HECW1: variants seen among roughly 807,000 people sequenced by gnomAD.
HECW1 encodes the protein E3 ubiquitin-protein ligase HECW1.
HECW1 carries 61 observed loss-of-function variants against 182.3 expected under a neutral mutation model. That is an observed-to-expected ratio of 0.33 (90% CI 0.27 to 0.41). The LOEUF is 0.41. HECW1 is among the 10% of genes least tolerant of loss of function. HECW1 has a pLI of 1.00. For missense variants in HECW1, 1,739 were observed against 2,108.9 expected, an observed-to-expected ratio of 0.82 and a Z score of 3.44; for synonymous variants, 859 against 832.6, an observed-to-expected ratio of 1.03 and a Z score of -0.55.
Position 43,393,677 on chromosome 7 carries a change from C to CTT in HECW1, c.556-3126_556-3125dup, listed in dbSNP as rs199626474. Among the ~76,000 whole-genome samples the CTT allele has an allele frequency of 1.6e-3, 228 of 139,248 alleles. 2 individuals are homozygous for CTT. Among genetic ancestry groups the CTT allele is most frequent in the African/African-American group, 6.1e-3 (214 of 35,306 alleles). The allele number at this position is 139,248 out of a possible 152,430, so 91.4% of individuals were successfully genotyped here. A position where few individuals can be genotyped will look rare whatever the true frequency, so the allele number is the denominator to read the frequency against. On this transcript the variant is annotated intron_variant, in intron 6 of 29. Transcript: ENST00000395891. ...GGAAAACATACTCTTTTTTCTTCTT[C>CTT]TTTTTTTTTTTTCATCTACAGACCT...
chr7:43,317,714 T>C (rs1262530467), intron 4 of HECW1, among the ~76,000 whole-genome samples: 1 of 152,166 alleles, frequency 6.6e-6, no homozygotes, highest in Non-Finnish European at 1.5e-5. Context: ...TTATTGTTAG[T>C]GTGAGGGAAG....
chr7:43,532,447 A>G (rs1236324462), intron 24 of HECW1, among the ~76,000 whole-genome samples: 3 of 152,168 alleles, frequency 2.0e-5, no homozygotes, highest in African/African-American at 7.2e-5. Context: ...ATGGATTCCC[A>G]TCATACTTAG....
intron 2 of HECW1, among the ~76,000 whole-genome samples, chr7:43,232,041 AAG>A (rs1218163982): frequency 4.6e-5 from 7 of 151,130 alleles, no homozygotes; most frequent in Admixed American, 2.6e-4. Flanking sequence ...AAAAAAAAAA[AAG>A]GAACCTCTTG....
At chr7:43,305,748 G>A (rs922693623) in intron 3 of HECW1, among the ~76,000 whole-genome samples, 15 of 151,594 alleles carry the variant, frequency 9.9e-5, no homozygotes, top group East Asian at 5.8e-4. Flanking sequence ...ACAGGCGCCC[G>A]TCACCACGCC....
rs374141328 is a variant in HECW1 at position 43,169,690 on chromosome 7, C to CT, written c.-32+55317dup. On this transcript the variant is annotated intron_variant, in intron 2 of 29. Transcript: ENST00000395891. ...TTATCTTTGTATCTTTTTTTCTTTTCTTTTTTTTTTTTTTTTTTGAGACGG... is the reference window on the plus strand; with the variant it reads ...TTATCTTTGTATCTTTTTTTCTTTTCTTTTTTTTTTTTTTTTTTTGAGACGG... Among the ~76,000 whole-genome samples, 599 of 113,442 alleles carry CT rather than the reference C, an allele frequency of 5.3e-3. 7 individuals carry two copies. The highest frequency in any genetic ancestry group is 0.026 in the East Asian group (114 of 4,338). 74.4% of individuals were successfully genotyped at this position (113,442 alleles called of 152,430 possible). A position where few individuals can be genotyped will look rare whatever the true frequency, so the allele number is the denominator to read the frequency against.
At chr7:43,326,857 A>C (rs1810858792) in intron 5 of HECW1, among the ~76,000 whole-genome samples, 1 of 152,222 alleles carries the variant, frequency 6.6e-6, no homozygotes, top group Non-Finnish European at 1.5e-5. Context: ...ATTCAGAGCA[A>C]TGTTTCCCTG....
At chr7:43,292,476 ATAC>A (rs1282609955) in intron 3 of HECW1, among the ~76,000 whole-genome samples, 1 of 152,212 alleles carries the variant, frequency 6.6e-6, no homozygotes, top group Non-Finnish European at 1.5e-5. Flanking sequence ...AGCCCAACTA[ATAC>A]CCAGGGTCAC....
chr7:43,524,503 T>C (rs539916166), intron 24 of HECW1, among the ~76,000 whole-genome samples: 1 of 152,364 alleles, frequency 6.6e-6, no homozygotes, highest in Admixed American at 6.5e-5. Context: ...AAGAGGGGTA[T>C]CTTTGAGATG....
chr7:43,304,489 T>G (rs1807290846), intron 3 of HECW1, among the ~76,000 whole-genome samples: 1 of 151,350 alleles, frequency 6.6e-6, no homozygotes, highest in East Asian at 1.9e-4. Flanking sequence ...TTTATTTATT[T>G]ATTTATTTAT....
At chr7:43,197,826 AT>A (rs1562661631) in intron 2 of HECW1, among the ~76,000 whole-genome samples, 1 of 152,000 alleles carries the variant, frequency 6.6e-6, no homozygotes, top group Non-Finnish European at 1.5e-5. Flanking sequence ...ATTATTAAGG[AT>A]TTCAAGATGG....
At chr7:43,398,165 G>A (rs2075292118) in intron 7 of HECW1, among the ~76,000 whole-genome samples, 1 of 152,146 alleles carries the variant, frequency 6.6e-6, no homozygotes, top group African/African-American at 2.4e-5. Flanking sequence ...GCTGAGGCAG[G>A]AGAATGGCTT....
intron 23 of HECW1, 193 bp from the exon 24 acceptor site, chr7:43,508,776 C>A (rs1475341881): frequency 4.8e-6 from 3 of 620,242 alleles, no homozygotes; most frequent in Admixed American, 2.8e-5. Flanking sequence ...AGAAACATCT[C>A]CAAACCAATT....
At chr7:43,238,898 C>T (rs761768430) in intron 2 of HECW1, among the ~76,000 whole-genome samples, 5 of 152,042 alleles carry the variant, frequency 3.3e-5, no homozygotes, top group Non-Finnish European at 5.9e-5. Flanking sequence ...GGTATTGGAT[C>T]ATAAAGAGAC....
At chr7:43,440,415 A>G (rs951490742) in intron 9 of HECW1, 6 of 152,206 alleles carry the variant, frequency 3.9e-5, no homozygotes, top group African/African-American at 1.4e-4. Flanking sequence ...AACTCTAACC[A>G]TCTCACCTTC....
chr7:43,522,533 A>C (rs939862516), intron 24 of HECW1: 2 of 152,456 alleles, frequency 1.3e-5, no homozygotes, highest in African/African-American at 4.8e-5. Flanking sequence ...TGGGCTCTTC[A>C]TGAAGGCTGG....
intron 2 of HECW1, among the ~76,000 whole-genome samples, chr7:43,198,786 ACT>A (rs1259561856): frequency 1.3e-5 from 2 of 151,628 alleles, no homozygotes; most frequent in East Asian, 3.9e-4. Flanking sequence ...CACACTCCAC[ACT>A]CACGTGCACA....
intron 4 of HECW1, among the ~76,000 whole-genome samples, chr7:43,319,153 C>T (rs569998844): frequency 6.6e-6 from 1 of 151,648 alleles, no homozygotes; most frequent in Admixed American, 6.6e-5. Context: ...TTTGGGAGGC[C>T]GAGGCGGGTG....
chr7:43,448,509 G>T (rs1008579174), intron 11 of HECW1, among the ~76,000 whole-genome samples: 14 of 152,098 alleles, frequency 9.2e-5, no homozygotes, highest in African/African-American at 7.2e-5. Context: ...TGCAAAATGG[G>T]TATAATTACA....
chr7:43,350,684 C>T (rs1198480701), intron 5 of HECW1, among the ~76,000 whole-genome samples: 1 of 152,206 alleles, frequency 6.6e-6, no homozygotes. Flanking sequence ...TTTCACATTT[C>T]TAAAAGTGTG....
Sources: allele counts gnomAD v4.1 joint callset (sites outside exome capture counted in the v4.1 genomes callset), GRCh38; gene constraint gnomAD v4.1.1; transcripts MANE v1.5; gene names NCBI Gene and HGNC (gene_info 2026-07-23, HGNC 2026-07-21).